The following RAPGEF4 variants were observed in gnomAD, a reference collection of about 807,000 sequenced individuals.
RAPGEF4 encodes Rap guanine nucleotide exchange factor 4.
RAPGEF4 carries 66 observed loss-of-function variants against 147.9 expected under a neutral mutation model. That is an observed-to-expected ratio of 0.45 (90% CI 0.37 to 0.55). The LOEUF is 0.55. Ranked by LOEUF, RAPGEF4 falls within the 20% of genes least tolerant of loss-of-function variation. RAPGEF4 has a pLI of 0.00. For synonymous variants in RAPGEF4, 419 were observed against 442.7 expected (o/e 0.95, Z 0.67); for missense variants, 1,071 against 1,257.3 (o/e 0.85, Z 2.24).
chr2:172,824,639 A>G (rs150066426), intron 4 of RAPGEF4, among the ~76,000 whole-genome samples: 3 of 152,296 alleles, frequency 2.0e-5, no homozygotes, highest in East Asian at 3.9e-4. Flanking sequence ...CCTATGTGGA[A>G]TGGTTATTGG....
intron 4 of RAPGEF4, among the ~76,000 whole-genome samples, chr2:172,875,054 A>C (rs1387489308): frequency 6.6e-6 from 1 of 152,192 alleles, no homozygotes; most frequent in Non-Finnish European, 1.5e-5. Flanking sequence ...TCTTTTGAGA[A>C]GTGTCTGTTC....
At chr2:172,981,833 T>G (rs751463541) in intron 10 of RAPGEF4, among the ~76,000 whole-genome samples, 4 of 152,252 alleles carry the variant, frequency 2.6e-5, no homozygotes, top group Non-Finnish European at 4.4e-5. Context: ...CATAATTCAG[T>G]TTTGATTACT....
intron 4 of RAPGEF4, among the ~76,000 whole-genome samples, chr2:172,834,391 G>A (rs1179227976): frequency 6.6e-6 from 1 of 152,214 alleles, no homozygotes; most frequent in African/African-American, 2.4e-5. Flanking sequence ...AGATTGAAAG[G>A]AGTGTCCAAG....
chr2:173,043,711 G>A (rs1489383200), intron 29 of RAPGEF4, among the ~76,000 whole-genome samples: 2 of 152,218 alleles, frequency 1.3e-5, no homozygotes, highest in Non-Finnish European at 2.9e-5. Context: ...ACCACAGAAG[G>A]GTGACGCCTG....
At chr2:172,922,444 G>C in intron 6 of RAPGEF4, 144 bp downstream of exon 6, 1 of 840,480 alleles carries the variant, frequency 1.2e-6, no homozygotes, top group Non-Finnish European at 1.9e-6. Context: ...GGCATCTTTG[G>C]CAAGTCACTT....
At chr2:172,895,919 C>T (rs2553016) in intron 4 of RAPGEF4, among the ~76,000 whole-genome samples, 147,846 of 152,322 alleles carry the variant, frequency 0.97, 71,887 homozygotes, top group East Asian at 1. Context: ...GATCTGATTC[C>T]TTACATTCCC....
intron 4 of RAPGEF4, among the ~76,000 whole-genome samples, chr2:172,898,182 T>C (rs1698714837): frequency 6.6e-6 from 1 of 152,056 alleles, no homozygotes; most frequent in African/African-American, 2.4e-5. Context: ...AGATGGAAGA[T>C]CCTCAAAGCA....
intron 6 of RAPGEF4, among the ~76,000 whole-genome samples, chr2:172,927,206 GTT>G (rs1353460716): frequency 1.3e-5 from 2 of 152,192 alleles, no homozygotes; most frequent in Admixed American, 6.5e-5. Flanking sequence ...AAGTTTCACA[GTT>G]TGTGGAAATT....
At chr2:172,739,216 C>G (rs1427541084) in intron 1 of RAPGEF4, among the ~76,000 whole-genome samples, 3 of 152,208 alleles carry the variant, frequency 2.0e-5, no homozygotes, top group South Asian at 2.1e-4. Context: ...TAGAGTAAAA[C>G]AAGCTCACCA....
At chr2:173,034,147 A>T (rs766198414) in intron 27 of RAPGEF4, among the ~76,000 whole-genome samples, 183 bp downstream of exon 27, 1 of 152,248 alleles carries the variant, frequency 6.6e-6, no homozygotes, top group Non-Finnish European at 1.5e-5. Flanking sequence ...CTCAGGAACT[A>T]ACTTAAAGAG....
At chr2:172,978,366 C>T (rs1691319565) in intron 10 of RAPGEF4, among the ~76,000 whole-genome samples, 1 of 152,212 alleles carries the variant, frequency 6.6e-6, no homozygotes, top group African/African-American at 2.4e-5. Context: ...GAACAGAGCC[C>T]TTCCCTGCTC....
chr2:173,023,431 A>C (rs1257849019), intron 23 of RAPGEF4, among the ~76,000 whole-genome samples: 1 of 152,150 alleles, frequency 6.6e-6, no homozygotes, highest in Non-Finnish European at 1.5e-5. Context: ...CCACAGGGCT[A>C]TGTACAAGAA....
In RAPGEF4 at chr2:173,051,689, T is replaced by C. The variant is rs1686261536; in HGVS notation, c.2958T>C (p.Tyr986=). Residue 986 remains tyrosine, a synonymous_variant, in exon 31 of 31, where the codon TAT becomes TAC. Coordinates refer to ENST00000397081, the MANE Select transcript of RAPGEF4 (RefSeq NM_007023.4). ...ANKNHQDVRS[Y]VRQLNVIDNQ... is the part of the protein sequence containing the mutation. ...AGAACCATCAGGATGTCCGGAGTTA[T>C]GTACGGCAATTAAATGTGATTGACA... 9 of 1,613,996 alleles carry C rather than the reference T, an allele frequency of 5.6e-6. No homozygotes were observed. The highest frequency in any genetic ancestry group is 5.9e-6 in the Non-Finnish European group (7 of 1,179,866).
chr2:172,871,440 G>A (rs1695225482), intron 4 of RAPGEF4, among the ~76,000 whole-genome samples: 1 of 152,130 alleles, frequency 6.6e-6, no homozygotes, highest in African/African-American at 2.4e-5. Context: ...GGGTTAGATG[G>A]AGGGTAGTGG....
At chr2:172,950,343 C>A (rs1025850893) in intron 6 of RAPGEF4, among the ~76,000 whole-genome samples, 2 of 152,150 alleles carry the variant, frequency 1.3e-5, no homozygotes, top group Non-Finnish European at 2.9e-5. Flanking sequence ...TGACCCTGTT[C>A]TGCCTCAAGT....
intron 15 of RAPGEF4, among the ~76,000 whole-genome samples, 159 bp downstream of exon 15, chr2:172,991,084 A>G (rs1692786342): frequency 6.6e-6 from 1 of 152,204 alleles, no homozygotes; most frequent in African/African-American, 2.4e-5. Context: ...GTGGAGTATA[A>G]TGTATCCATT....
intron 4 of RAPGEF4, among the ~76,000 whole-genome samples, chr2:172,903,368 CA>C (rs10712221): frequency 0.42 from 34,817 of 82,062 alleles, 6,387 homozygotes; most frequent in South Asian, 0.57. Flanking sequence ...GACTCCATCT[CA>C]AAAAAAAAAA....
chr2:172,975,796 T>C (rs1049852504), intron 10 of RAPGEF4, among the ~76,000 whole-genome samples: 1 of 152,246 alleles, frequency 6.6e-6, no homozygotes, highest in African/African-American at 2.4e-5. Context: ...ACTATCTGAC[T>C]CCATCCAAAT....
chr2:172,872,545 G>A (rs1261748810), intron 4 of RAPGEF4, among the ~76,000 whole-genome samples: 1 of 151,974 alleles, frequency 6.6e-6, no homozygotes, highest in Admixed American at 6.6e-5. Flanking sequence ...TTGGGGGAAG[G>A]GCCTGGTGGG....
Sources: gnomAD v4.1 joint callset for allele counts (sites outside exome capture counted in the v4.1 genomes callset) on GRCh38, gnomAD v4.1.1 for gene constraint, MANE v1.5 for transcripts, NCBI Gene and HGNC (gene_info 2026-07-23, HGNC 2026-07-21) for gene names.